The following SPTAN1 variants were observed in gnomAD, a reference collection of about 807,000 sequenced individuals.
SPTAN1 encodes spectrin alpha, non-erythrocytic 1, also known as spectrin alpha chain, non-erythrocytic 1.
A neutral mutation model predicts 331.3 loss-of-function variants in SPTAN1; 61 were observed. The observed-to-expected ratio is 0.18, with a 90% CI of 0.15 to 0.23. The LOEUF (loss-of-function observed/expected upper bound fraction) is 0.23, where lower values mean the gene tolerates loss of function less well. SPTAN1 is among the 10% of genes least tolerant of loss of function. The pLI is 1.00. For missense variants in SPTAN1, 2,043 were observed against 3,147.9 expected, an observed-to-expected ratio of 0.65 and a Z score of 8.40; for synonymous variants, 1,153 against 1,173.9, an observed-to-expected ratio of 0.98 and a Z score of 0.36.
chr9:128,561,033 A>AAAAAG (rs1564183858), intron 1 of SPTAN1, among the ~76,000 whole-genome samples: 6 of 148,622 alleles, frequency 4.0e-5, no homozygotes, highest in African/African-American at 1.5e-4. Context: ...AAAAAAAAAA[A>AAAAAG]AAGAAGTGAA....
intron 27 of SPTAN1, among the ~76,000 whole-genome samples, chr9:128,601,103 C>A (rs942623432): frequency 6.7e-6 from 1 of 150,068 alleles, no homozygotes; most frequent in South Asian, 2.1e-4. Context: ...CCTTCCTCAG[C>A]TCCCCTAGTA....
Position 128,611,694 on chromosome 9 carries a change from A to C in SPTAN1, c.4774-20A>C. 2 of 1,613,502 alleles carry C rather than the reference A, an allele frequency of 1.2e-6. No homozygotes were observed. The highest frequency in any genetic ancestry group is 1.7e-6 in the Non-Finnish European group (2 of 1,179,978). On this transcript the variant is annotated intron_variant, in intron 37 of 56. Transcript: ENST00000372739. The stretch of plus-strand genomic sequence containing the variant: ...ACCTAGCAGGAACTGGTTTGGAAAA[A>C]ATTTTTTTGGTATTTTTAGAGCAAG...
intron 52 of SPTAN1, chr9:128,630,670 G>C (rs944486708): frequency 6.0e-5 from 23 of 381,382 alleles, no homozygotes; most frequent in South Asian, 5.9e-4. Flanking sequence ...CTGTACTACA[G>C]ATGTGTGCCA....
intron 27 of SPTAN1, among the ~76,000 whole-genome samples, chr9:128,602,416 C>T (rs1330947680): frequency 1.3e-5 from 2 of 151,816 alleles, no homozygotes; most frequent in African/African-American, 4.8e-5. Flanking sequence ...GGGGTTTCGC[C>T]AAGTTGGCCA....
chr9:128,633,149 G>A, intron 56 of SPTAN1, 60 bp from the exon 57 acceptor site: 1 of 1,612,212 alleles, frequency 6.2e-7, no homozygotes, highest in Non-Finnish European at 8.5e-7. Context: ...AGACCTGGGA[G>A]GTCGGGTTTG....
chr9:128,628,946 C>T, intron 51 of SPTAN1: 1 of 391,576 alleles, frequency 2.6e-6, no homozygotes, highest in Non-Finnish European at 4.5e-6. Flanking sequence ...CCCATCTTGC[C>T]CATTCCTAGT....
chr9:128,626,269 T>C, intron 48 of SPTAN1, 122 bp from the exon 49 acceptor site: 1 of 1,267,790 alleles, frequency 7.9e-7, no homozygotes, highest in South Asian at 1.2e-5. Flanking sequence ...AGAGGGGAGC[T>C]AAGCTCCCAG....
At chr9:128,633,069 A>C in intron 56 of SPTAN1, 114 bp downstream of exon 56, 1 of 1,593,288 alleles carries the variant, frequency 6.3e-7, no homozygotes. Flanking sequence ...CCCCATTTAC[A>C]AATCAAACTC....
At chr9:128,606,547 G>A (rs1224061143) in intron 31 of SPTAN1, among the ~76,000 whole-genome samples, 2 of 149,420 alleles carry the variant, frequency 1.3e-5, no homozygotes, top group South Asian at 2.2e-4. Flanking sequence ...GCAGTGGTGC[G>A]ATCTCAGCTC....
intron 2 of SPTAN1, among the ~76,000 whole-genome samples, chr9:128,568,331 A>G (rs1032993007): frequency 6.6e-6 from 1 of 152,174 alleles, no homozygotes; most frequent in Non-Finnish European, 1.5e-5. Context: ...TCTGGCCTCT[A>G]AAGCAAGTGA....
Position 128,629,921 on chromosome 9 carries a change from C to T in SPTAN1, c.6708-400C>T. On this transcript the variant is annotated intron_variant, in intron 51 of 56. Coordinates refer to ENST00000372739, the MANE Select transcript of SPTAN1 (RefSeq NM_001130438.3). The surrounding 1 kb of genome is among the most constrained non-coding windows in gnomAD (Gnocchi z 4.9). ...GTGGGGAGGCTGTCAGGTTCTCAGC[C>T]TCCCCTCTGCCCTGAGGTCTCCTGT... The T allele has an allele frequency of 2.8e-6, 1 of 356,766 alleles. No homozygotes were observed. Among genetic ancestry groups the T allele is most frequent in the Non-Finnish European group, 5.5e-6 (1 of 182,190 alleles). 22.1% of individuals were successfully genotyped at this position (356,766 alleles called of 1,614,324 possible).
intron 40 of SPTAN1, among the ~76,000 whole-genome samples, chr9:128,613,711 A>G (rs533930456): frequency 6.6e-5 from 10 of 152,368 alleles, no homozygotes; most frequent in African/African-American, 2.4e-4. Flanking sequence ...TAAAAATTAC[A>G]TAAATTTTAA....
intron 28 of SPTAN1, 115 bp downstream of exon 28, chr9:128,603,705 C>A: frequency 7.8e-7 from 1 of 1,275,120 alleles, no homozygotes; most frequent in Non-Finnish European, 1.1e-6. Flanking sequence ...ACATATCTCA[C>A]TCTATTGGGT....
intron 31 of SPTAN1, 108 bp from the exon 32 acceptor site, chr9:128,607,496 C>A: frequency 4.0e-6 from 4 of 988,918 alleles, no homozygotes; most frequent in Non-Finnish European, 4.9e-6. Context: ...TCAGATTAAC[C>A]CAAGATAACT....
intron 45 of SPTAN1, among the ~76,000 whole-genome samples, chr9:128,623,461 G>T (rs778867130): frequency 1.4e-5 from 2 of 147,494 alleles, no homozygotes; most frequent in African/African-American, 5.0e-5. Flanking sequence ...CAGCCCATTC[G>T]TTTTTTTTGT....
At chr9:128,589,509 C>T (rs1853158746) in intron 21 of SPTAN1, among the ~76,000 whole-genome samples, 1 of 150,998 alleles carries the variant, frequency 6.6e-6, no homozygotes, top group South Asian at 2.1e-4. Flanking sequence ...ATCTCCTGAC[C>T]TCGTGATCCA....
Position 128,626,549 on chromosome 9 carries a change from C to T in SPTAN1, c.6438C>T (p.Ser2146=), listed in dbSNP as rs1168917890. 1.2e-6 allele frequency: 2 copies of T among 1,614,046 alleles called. No individual in the cohort carries two copies. The highest frequency in any genetic ancestry group is 1.3e-5 in the African/African-American group (1 of 74,948). Residue 2146 remains serine (S), a synonymous_variant, in exon 49 of 57, where the codon AGC becomes AGT. Transcript: ENST00000372739. ...EAHDAFRSSL[S]SAQADFNQLA... is the part of the protein sequence containing the mutation. ...ACGACGCCTTCCGCTCCTCCCTCAGCTCTGCCCAGGCTGACTTCAACCAGC... is the reference window on the plus strand; with the variant it reads ...ACGACGCCTTCCGCTCCTCCCTCAGTTCTGCCCAGGCTGACTTCAACCAGC...
rs2131572690 is a variant in SPTAN1 at position 128,605,139 on chromosome 9, T to C, written c.3825T>C (p.His1275=). Residue 1275 remains histidine, a synonymous_variant, in exon 30 of 57, where the codon CAT becomes CAC. Transcript: ENST00000372739. The part of the protein sequence containing the change: ...LASVQALQRK[H]EGFERDLAAL... ...GTGTCCAGGCCCTGCAACGCAAGCA[T>C]GAGGGCTTCGAGAGGGACCTTGCGG... 1.2e-6 allele frequency: 2 copies of C among 1,613,714 alleles called. No individual in the cohort carries two copies. Among genetic ancestry groups the C allele is most frequent in the East Asian group, 4.5e-5 (2 of 44,866 alleles).
At chr9:128,594,864 T>TAAA (rs2131372145) in intron 24 of SPTAN1, among the ~76,000 whole-genome samples, 1 of 150,544 alleles carries the variant, frequency 6.6e-6, no homozygotes, top group South Asian at 2.1e-4. Context: ...GTCTCTCTTT[T>TAAA]GTCGCCCAGG....
Sources: allele counts gnomAD v4.1 joint callset (sites outside exome capture counted in the v4.1 genomes callset), GRCh38; gene constraint gnomAD v4.1.1; non-coding constraint Gnocchi (gnomAD v3.1); transcripts MANE v1.5; gene names NCBI Gene and HGNC (gene_info 2026-07-23, HGNC 2026-07-21).